Variants in GOLGA5 observed in about 807,000 individuals in gnomAD.
The protein encoded by GOLGA5 is golgin subfamily A member 5.
In GOLGA5, 50 loss-of-function variants were observed where a neutral mutation model predicts 93.5. The ratio of observed to expected loss-of-function variants is 0.53; its 90% CI spans 0.43 to 0.68. GOLGA5 has a LOEUF of 0.68. Among genes scored for constraint, GOLGA5 ranks in the 30% least tolerant of loss-of-function variants. GOLGA5 has a pLI of 0.00. For synonymous variants in GOLGA5, 312 were observed against 304.5 expected, an observed-to-expected ratio of 1.02 and a Z score of -0.26; for missense variants, 760 against 856.4, an observed-to-expected ratio of 0.89 and a Z score of 1.40.
At chr14:92,835,461 T>C in intron 10 of GOLGA5, 98 bp from the exon 11 acceptor site, 1 of 744,236 alleles carries the variant, frequency 1.3e-6, no homozygotes. Flanking sequence ...AAGTTGCCCT[T>C]GAAAATTCCT....
Position 92,809,526 on chromosome 14 carries a change from G to T in GOLGA5, c.992+7G>T. The T allele has an allele frequency of 1.3e-6, 2 of 1,556,356 alleles. No homozygotes were observed. Among genetic ancestry groups the T allele is most frequent in the South Asian group, 1.1e-5 (1 of 89,602 alleles). On this transcript the variant is annotated splice_region_variant and intron_variant, in intron 4 of 12. Transcript: ENST00000163416. The stretch of plus-strand genomic sequence containing the variant: ...TACAGAGTGAAAAATCACGGTAGGT[G>T]ATTCTATGAATAATGAAAAAAATGA...
At chr14:92,794,893 A>T (rs985163485) in intron 1 of GOLGA5, among the ~76,000 whole-genome samples, 3 of 151,776 alleles carry the variant, frequency 2.0e-5, no homozygotes, top group African/African-American at 4.8e-5. Flanking sequence ...CATCCCACGC[A>T]CTCTCTGCCC....
chr14:92,833,750 A>G (rs1049536457), intron 10 of GOLGA5, among the ~76,000 whole-genome samples: 60 of 152,228 alleles, frequency 3.9e-4, no homozygotes, highest in African/African-American at 1.4e-3. Context: ...AAATCTATAG[A>G]TTCCCAACAT....
intron 1 of GOLGA5, among the ~76,000 whole-genome samples, chr14:92,794,807 C>T (rs1013058050): frequency 3.9e-5 from 6 of 152,194 alleles, no homozygotes; most frequent in African/African-American, 1.2e-4. Context: ...ACCGACTGAC[C>T]TCCAGCCTCC....
At chr14:92,836,193 A>T (rs1885638010) in intron 11 of GOLGA5, among the ~76,000 whole-genome samples, 1 of 152,184 alleles carries the variant, frequency 6.6e-6, no homozygotes, top group South Asian at 2.1e-4. Flanking sequence ...TCAAAAAAAT[A>T]TTTTAATAGT....
chr14:92,837,481 C>T (rs774191884), intron 12 of GOLGA5, 32 bp downstream of exon 12: 1 of 906,980 alleles, frequency 1.1e-6, no homozygotes, highest in Non-Finnish European at 1.8e-6. Context: ...AACAATGATG[C>T]ACTTGATTTT....
At chr14:92,809,562 G>A (rs1175566570) in intron 4 of GOLGA5, 43 bp downstream of exon 4, 1 of 1,201,090 alleles carries the variant, frequency 8.3e-7, no homozygotes, top group Non-Finnish European at 1.2e-6. Flanking sequence ...GCAAGTAATG[G>A]TAAACATTGT....
rs761644011 is a variant in GOLGA5 at position 92,809,348 on chromosome 14, C to T, written c.821C>T (p.Ser274Leu). The change falls in exon 4 of 13, where the codon TCA (serine) becomes TTA (leucine). Residue 274 changes from serine to leucine, a missense_variant. Coordinates refer to ENST00000163416, the MANE Select transcript of GOLGA5 (RefSeq NM_005113.4). ...GTTGAAAAGTGGAATGCTGACCATT[C>T]AAAGAGTGATCGAATGACTCGAGGA... ...ARVEKWNADHSKSDRMTRGLR... is the reference protein window; with the variant it reads ...ARVEKWNADHLKSDRMTRGLR... The T allele has an allele frequency of 6.2e-7, 1 of 1,613,560 alleles. No individual in the cohort carries two copies. Among genetic ancestry groups the T allele is most frequent in the Non-Finnish European group, 8.5e-7 (1 of 1,179,578 alleles).
At chr14:92,834,191 T>TA (rs916379186) in intron 10 of GOLGA5, among the ~76,000 whole-genome samples, 90 of 141,868 alleles carry the variant, frequency 6.3e-4, no homozygotes, top group African/African-American at 1.8e-3. Context: ...CACCTTTTTT[T>TA]TTTTATTTTA....
chr14:92,815,379 T>G (rs1462940975), intron 6 of GOLGA5, among the ~76,000 whole-genome samples: 1 of 152,250 alleles, frequency 6.6e-6, no homozygotes, highest in Non-Finnish European at 1.5e-5. Context: ...CTACTTGTGT[T>G]GATTGCCTTC....
chr14:92,801,341 C>G (rs1044545539), intron 2 of GOLGA5, among the ~76,000 whole-genome samples: 3 of 152,162 alleles, frequency 2.0e-5, no homozygotes, highest in African/African-American at 7.2e-5. Context: ...TGACTTTTTA[C>G]TTTTTGCTGA....
chr14:92,815,663 C>T (rs1018783534), intron 6 of GOLGA5, among the ~76,000 whole-genome samples: 5 of 151,172 alleles, frequency 3.3e-5, no homozygotes, highest in African/African-American at 4.9e-5. Flanking sequence ...ATAGCAAGAC[C>T]GTATCTCAAA....
At chr14:92,805,383 C>T (rs955849927) in intron 2 of GOLGA5, among the ~76,000 whole-genome samples, 7 of 151,998 alleles carry the variant, frequency 4.6e-5, no homozygotes, top group African/African-American at 1.5e-4. Flanking sequence ...CACAGTTTAT[C>T]TATTCTCTTT....
At chr14:92,822,876 C>T (rs182239536) in intron 8 of GOLGA5, among the ~76,000 whole-genome samples, 43 of 152,230 alleles carry the variant, frequency 2.8e-4, no homozygotes, top group African/African-American at 9.4e-4. Context: ...AAGGGCTGGT[C>T]TCAAACTCCT....
chr14:92,839,108 GATT>G (rs761196701), intron 12 of GOLGA5, among the ~76,000 whole-genome samples: 2 of 152,158 alleles, frequency 1.3e-5, no homozygotes, highest in Admixed American at 6.5e-5. Flanking sequence ...ATAATCAACT[GATT>G]ATTTTGCATA....
At chr14:92,806,100 T>C (rs1199405725) in intron 2 of GOLGA5, among the ~76,000 whole-genome samples, 1 of 152,132 alleles carries the variant, frequency 6.6e-6, no homozygotes, top group Non-Finnish European at 1.5e-5. Context: ...TGGTTTTTTT[T>C]CCCAAAAGCA....
chr14:92,801,700 T>TA (rs1463796258), intron 2 of GOLGA5, among the ~76,000 whole-genome samples: 1 of 151,542 alleles, frequency 6.6e-6, no homozygotes, highest in Admixed American at 6.6e-5. Context: ...TGTATTGTCT[T>TA]CTATAGTGTG....
Position 92,797,717 on chromosome 14 carries a change from G to A in GOLGA5, c.280G>A (p.Ala94Thr). The part of the protein sequence containing the change: ...VKVGSRTPVE[A>T]SHPVENASVP... ...AGTAGGATCTCGGACACCAGTAGAG[G>A]CCTCTCATCCTGTTGAAAATGCATC... is the stretch of plus-strand genomic sequence containing the variant. The change falls in exon 2 of 13, where the codon GCC becomes ACC. Residue 94 changes from alanine to threonine, a missense_variant. Coordinates refer to ENST00000163416, the MANE Select transcript of GOLGA5 (RefSeq NM_005113.4). The A allele has an allele frequency of 6.2e-7, 1 of 1,614,022 alleles. No homozygotes were observed. Among genetic ancestry groups the A allele is most frequent in the Non-Finnish European group, 8.5e-7 (1 of 1,179,944 alleles).
At chr14:92,818,312 A>G (rs1436318476) in intron 7 of GOLGA5, among the ~76,000 whole-genome samples, 10 of 152,218 alleles carry the variant, frequency 6.6e-5, no homozygotes, top group Admixed American at 5.9e-4. Flanking sequence ...CACTTAACAT[A>G]TATCCTTACA....
Sources: allele counts gnomAD v4.1 joint callset (sites outside exome capture counted in the v4.1 genomes callset), GRCh38; gene constraint gnomAD v4.1.1; transcripts MANE v1.5; gene names NCBI Gene and HGNC (gene_info 2026-07-23, HGNC 2026-07-21).